Variants in MKLN1 observed in about 807,000 individuals in gnomAD.
MKLN1 encodes muskelin.
A neutral mutation model predicts 99.0 loss-of-function variants in MKLN1; 18 were observed. The observed-to-expected ratio is 0.18, with a 90% confidence interval of 0.13 to 0.27. The LOEUF (loss-of-function observed/expected upper bound fraction) is 0.27, where lower values mean the gene tolerates loss of function less well. MKLN1 is among the 10% of genes least tolerant of loss of function. The pLI, the probability that MKLN1 is intolerant of heterozygous loss-of-function variation, is 1.00. For missense variants in MKLN1, 621 were observed against 875.9 expected (o/e 0.71, Z 3.67); for synonymous variants, 288 against 293.2 (o/e 0.98, Z 0.18).
intron 3 of MKLN1, among the ~76,000 whole-genome samples, chr7:131,259,108 A>AT (rs200869757): frequency 1.3e-5 from 2 of 151,892 alleles, no homozygotes; most frequent in Admixed American, 6.6e-5. Flanking sequence ...TTCTTTTTGG[A>AT]TTTTTTAAAA....
chr7:131,312,337 C>T (rs1798581619), intron 3 of MKLN1, among the ~76,000 whole-genome samples: 2 of 152,270 alleles, frequency 1.3e-5, no homozygotes, highest in South Asian at 4.1e-4. Flanking sequence ...GTTTTAACTG[C>T]ATAAAATTTC....
intron 12 of MKLN1, among the ~76,000 whole-genome samples, chr7:131,454,092 T>A (rs796436158): frequency 7.0e-6 from 1 of 143,070 alleles, no homozygotes; most frequent in African/African-American, 3.0e-5. Flanking sequence ...ACTTTATCAT[T>A]ATCTGTTAAA....
At chr7:131,253,031 G>T (rs544657327) in intron 3 of MKLN1, among the ~76,000 whole-genome samples, 2 of 152,104 alleles carry the variant, frequency 1.3e-5, no homozygotes, top group Non-Finnish European at 2.9e-5. Flanking sequence ...GGTAGTATGA[G>T]GAGCTTTACA....
At chr7:131,252,787 G>A (rs1056828313) in intron 3 of MKLN1, among the ~76,000 whole-genome samples, 3 of 152,090 alleles carry the variant, frequency 2.0e-5, no homozygotes, top group Non-Finnish European at 2.9e-5. Flanking sequence ...TAGTGTCTGT[G>A]GTGCTCTGTT....
At chr7:131,380,692 A>G (rs774721994) in intron 2 of MKLN1, among the ~76,000 whole-genome samples, 4 of 152,202 alleles carry the variant, frequency 2.6e-5, no homozygotes, top group African/African-American at 4.8e-5. Flanking sequence ...GAGGATACTC[A>G]TGCTGTATAA....
At chr7:131,456,706 C>A (rs1222354996) in intron 12 of MKLN1, among the ~76,000 whole-genome samples, 1 of 152,072 alleles carries the variant, frequency 6.6e-6, no homozygotes, top group Non-Finnish European at 1.5e-5. Flanking sequence ...TTTAAAGGTA[C>A]AAAACTGTTG....
chr7:131,383,753 G>A (rs1237393363), intron 2 of MKLN1, among the ~76,000 whole-genome samples: 1 of 152,012 alleles, frequency 6.6e-6, no homozygotes, highest in Non-Finnish European at 1.5e-5. Flanking sequence ...TTTTTCCCCT[G>A]CATCCAATCT....
chr7:131,201,752 T>C (rs762952718), intron 2 of MKLN1, among the ~76,000 whole-genome samples: 45 of 152,172 alleles, frequency 3.0e-4, no homozygotes, highest in South Asian at 2.1e-4. Context: ...AGTGCCTTAA[T>C]GATATGACTC....
intron 3 of MKLN1, among the ~76,000 whole-genome samples, chr7:131,223,340 C>T (rs1051705482): frequency 1.3e-5 from 2 of 152,182 alleles, no homozygotes; most frequent in South Asian, 2.1e-4. Context: ...TCTGGAAGAC[C>T]GTAGCCATAG....
At chr7:131,337,478 C>A (rs1227287060) in intron 1 of MKLN1, among the ~76,000 whole-genome samples, 2 of 151,886 alleles carry the variant, frequency 1.3e-5, no homozygotes, top group Admixed American at 6.6e-5. Flanking sequence ...TAACTATGTC[C>A]AATCTGCTTT....
chr7:131,349,274 C>CA (rs1799651245), intron 1 of MKLN1, among the ~76,000 whole-genome samples: 1 of 151,814 alleles, frequency 6.6e-6, no homozygotes, highest in Non-Finnish European at 1.5e-5. Context: ...CGGCTCACTG[C>CA]AACCTCTACC....
In MKLN1 at chr7:131,128,015, C is replaced by A. The variant is rs113449878; in HGVS notation, c.-418-14805C>A. Among the ~76,000 whole-genome samples, 33 of 152,128 alleles carry A rather than the reference C, an allele frequency of 2.2e-4. 1 individual carries two copies. The highest frequency in any genetic ancestry group is 7.5e-4 in the African/African-American group (31 of 41,502). ...GAATAAATTCAGGGGAGAGTTGGAG[C>A]TGTGGTCTGTTTCTACTAGGTCTGT... On this transcript the variant is annotated intron_variant, in intron 1 of 7. Transcript: ENST00000416992.
At chr7:131,289,459 C>T (rs950310374) in intron 3 of MKLN1, among the ~76,000 whole-genome samples, 1 of 152,074 alleles carries the variant, frequency 6.6e-6, no homozygotes, top group Non-Finnish European at 1.5e-5. Flanking sequence ...GACCTCATCT[C>T]TACAAAAAAT....
At chr7:131,485,036 A>G (rs1032510192) in intron 17 of MKLN1, among the ~76,000 whole-genome samples, 1 of 152,136 alleles carries the variant, frequency 6.6e-6, no homozygotes, top group African/African-American at 2.4e-5. Context: ...CACCCTGGCA[A>G]TTAGCACAGC....
At chr7:131,169,751 C>G (rs1250953151) in intron 2 of MKLN1, among the ~76,000 whole-genome samples, 2 of 152,100 alleles carry the variant, frequency 1.3e-5, no homozygotes, top group East Asian at 3.9e-4. Flanking sequence ...AGAGATTTTT[C>G]CATTTAATAA....
chr7:131,381,709 G>A (rs1005362010), intron 2 of MKLN1, among the ~76,000 whole-genome samples: 5 of 152,034 alleles, frequency 3.3e-5, no homozygotes, highest in Admixed American at 6.6e-5. Flanking sequence ...CATAATTTAC[G>A]TAACATGTTG....
At chr7:131,446,027 A>G in intron 12 of MKLN1, 124 bp downstream of exon 12, 1 of 544,760 alleles carries the variant, frequency 1.8e-6, no homozygotes, top group Non-Finnish European at 3.0e-6. Flanking sequence ...GAGTAATTCC[A>G]AGTAAGAGAA....
chr7:131,284,022 A>G (rs1445473122), intron 3 of MKLN1, among the ~76,000 whole-genome samples: 1 of 152,206 alleles, frequency 6.6e-6, no homozygotes, highest in African/African-American at 2.4e-5. Flanking sequence ...TCTAGAATCT[A>G]TTCTCCTGTG....
At chr7:131,398,554 C>T (rs1218696305) in intron 5 of MKLN1, among the ~76,000 whole-genome samples, 1 of 151,946 alleles carries the variant, frequency 6.6e-6, no homozygotes, top group Non-Finnish European at 1.5e-5. Flanking sequence ...ATTAGCTGGG[C>T]GTGGTAGCGC....
Sources: allele counts gnomAD v4.1 joint callset (sites outside exome capture counted in the v4.1 genomes callset), GRCh38; gene constraint gnomAD v4.1.1; transcripts MANE v1.5; gene names NCBI Gene and HGNC (gene_info 2026-07-23, HGNC 2026-07-21).